TBC1D31: variants seen among roughly 807,000 people sequenced by gnomAD.
The protein encoded by TBC1D31 is WD repeat domain 67.
TBC1D31 carries 99 observed loss-of-function variants against 132.9 expected under a neutral mutation model. The ratio of observed to expected loss-of-function variants is 0.74; its 90% confidence interval spans 0.63 to 0.88. The LOEUF is 0.88. Among genes scored for constraint, TBC1D31 ranks in the 40% least tolerant of loss-of-function variants. The pLI, the probability that TBC1D31 is intolerant of heterozygous loss-of-function variation, is 0.00. For missense variants in TBC1D31, 1,134 were observed against 1,256.6 expected (o/e 0.90, Z 1.48); for synonymous variants, 385 against 419.4 (o/e 0.92, Z 1.00).
intron 1 of TBC1D31, among the ~76,000 whole-genome samples, chr8:123,076,838 A>C (rs573219211): frequency 6.6e-6 from 1 of 152,294 alleles, no homozygotes; most frequent in African/African-American, 2.4e-5. Context: ...CAGGGACCAT[A>C]TCAATTATTC....
chr8:123,098,446 C>T (rs542010116), intron 6 of TBC1D31, among the ~76,000 whole-genome samples: 4 of 152,290 alleles, frequency 2.6e-5, no homozygotes, highest in Non-Finnish European at 5.9e-5. Flanking sequence ...GCACTACAGG[C>T]ATGAACCACC....
At chr8:123,152,374 G>A (rs903140328), downstream of TBC1D31, among the ~76,000 whole-genome samples, 29 of 152,172 alleles carry the variant, frequency 1.9e-4, no homozygotes, top group Admixed American at 7.8e-4. Context: ...CTGCCAGCGG[G>A]ACCCCCTCTT....
chr8:123,101,057 T>G, intron 7 of TBC1D31, 50 bp downstream of exon 7: 1 of 1,271,772 alleles, frequency 7.9e-7, no homozygotes, highest in Non-Finnish European at 1.1e-6. Context: ...CACTTATATA[T>G]TATATCATCA....
chr8:123,120,582 G>A lies in TBC1D31; in HGVS notation c.1570+394G>A, dbSNP rs565810807. Among the ~76,000 whole-genome samples, 115 of 152,288 alleles carry A rather than the reference G, an allele frequency of 7.6e-4. No homozygotes were observed. The Middle Eastern group carries it at 0.01, about 14-fold the overall frequency. On this transcript the variant is annotated intron_variant, in intron 11 of 21. Transcript: ENST00000287380. ...AGCTACTCAGGAGGCTGTGGCAGGA[G>A]AATCACTTGAACCCAGGAGGTGGAG...
intron 16 of TBC1D31, among the ~76,000 whole-genome samples, chr8:123,131,707 T>G (rs1016160813): frequency 1.3e-4 from 20 of 152,222 alleles, no homozygotes; most frequent in African/African-American, 3.9e-4. Flanking sequence ...CACATACTTT[T>G]GTTGAGTAAC....
At chr8:123,095,839 T>C (rs2130244767) in intron 5 of TBC1D31, among the ~76,000 whole-genome samples, 1 of 152,326 alleles carries the variant, frequency 6.6e-6, no homozygotes, top group East Asian at 1.9e-4. Flanking sequence ...ATCCGGATGC[T>C]AGGGGTTCTC....
chr8:123,160,073 A>G, the TBC1D31 span, among the ~76,000 whole-genome samples: 1 of 152,140 alleles, frequency 6.6e-6, no homozygotes, highest in South Asian at 2.1e-4. Flanking sequence ...AGATTTCCTT[A>G]GTTTTCACCA....
intron 7 of TBC1D31, chr8:123,103,812 G>A (rs1817674761): frequency 6.6e-6 from 1 of 152,156 alleles, no homozygotes; most frequent in Non-Finnish European, 1.5e-5. Context: ...GTTATCTGTT[G>A]AGCAAATTGA....
chr8:123,092,713 A>C (rs1816448013), intron 4 of TBC1D31, among the ~76,000 whole-genome samples: 1 of 151,786 alleles, frequency 6.6e-6, no homozygotes, highest in African/African-American at 2.4e-5. Flanking sequence ...GCAGTGGTGC[A>C]ATCTTGACTT....
chr8:123,091,438 G>T (rs1022921447), intron 4 of TBC1D31, among the ~76,000 whole-genome samples: 1 of 152,018 alleles, frequency 6.6e-6, no homozygotes, highest in African/African-American at 2.4e-5. Flanking sequence ...GTTCTAATGC[G>T]TTCATTATAG....
At position 123,142,426 on chromosome 8, in the gene TBC1D31, A is replaced by G. The variant is rs1821795017; in HGVS notation, c.2805A>G (p.Ile935Met). 6.2e-7 allele frequency: 1 copy of G among 1,600,112 alleles called. No homozygotes were observed. The highest frequency in any genetic ancestry group is 1.7e-5 in the Admixed American group (1 of 57,314). ...ACAGAAGGAAAGAAATAGAGATAAT[A>G]AATGCAATGGTGGAGGAGGAAGCCA... ...RENRRKEIEI[I>M]NAMVEEEAKK... The change falls in exon 19 of 22, where the codon ATA becomes ATG. Residue 935 changes from isoleucine (I) to methionine (M), a missense_variant. Transcript: ENST00000287380.
At chr8:123,110,339 A>G (rs1418970703) in intron 10 of TBC1D31, among the ~76,000 whole-genome samples, 1 of 152,132 alleles carries the variant, frequency 6.6e-6, no homozygotes, top group Non-Finnish European at 1.5e-5. Flanking sequence ...GCATCCAGTA[A>G]ATGTTAATAA....
chr8:123,136,003 A>G (rs529312535), intron 17 of TBC1D31, among the ~76,000 whole-genome samples: 1 of 152,288 alleles, frequency 6.6e-6, no homozygotes, highest in Admixed American at 6.5e-5. Context: ...TTCTTTACCT[A>G]TGCACATATA....
chr8:123,072,911 G>T, intron 1 of TBC1D31, 65 bp downstream of exon 1: 12 of 1,483,236 alleles, frequency 8.1e-6, no homozygotes, highest in Non-Finnish European at 1.1e-5. Flanking sequence ...AGGGGACGCC[G>T]GGCGTCAGGC....
Position 123,130,288 on chromosome 8 carries a change from A to G in TBC1D31, c.2361A>G (p.Gln787=), listed in dbSNP as rs748774591. The part of the protein sequence containing the change: ...RRRFLKLQQD[Q]QEMELRRLDD... Reference sequence around the variant, plus strand: ...GTTTTCTGAAGCTTCAGCAAGATCAACAGGAAATGGAACTAAGAAGACTGG... The same window carrying G: ...GTTTTCTGAAGCTTCAGCAAGATCAGCAGGAAATGGAACTAAGAAGACTGG... The change falls in exon 16 of 22, where the codon CAA becomes CAG. Residue 787 remains glutamine (Q), a synonymous_variant. Transcript: ENST00000287380. 2.5e-6 allele frequency: 4 copies of G among 1,613,332 alleles called. No individual in the cohort carries two copies. In the South Asian group the frequency reaches 3.3e-5, roughly 13 times the overall value.
At chr8:123,161,904 G>C in the TBC1D31 span, among the ~76,000 whole-genome samples, 5 of 150,866 alleles carry the variant, frequency 3.3e-5, no homozygotes, top group African/African-American at 4.9e-5. Flanking sequence ...TGTGATCCCA[G>C]CTACTCGGGA....
At chr8:123,096,349 C>T (rs1231511792) in intron 5 of TBC1D31, among the ~76,000 whole-genome samples, 2 of 152,212 alleles carry the variant, frequency 1.3e-5, no homozygotes, top group South Asian at 2.1e-4. Context: ...TGAGTATGAC[C>T]TCTTACTTAC....
chr8:123,136,167 A>G (rs1380408256), intron 17 of TBC1D31, among the ~76,000 whole-genome samples: 1 of 152,224 alleles, frequency 6.6e-6, no homozygotes, highest in African/African-American at 2.4e-5. Context: ...AGATGATCTG[A>G]TATATAAACC....
At chr8:123,086,785 T>C (rs914198856) in intron 4 of TBC1D31, among the ~76,000 whole-genome samples, 4 of 151,694 alleles carry the variant, frequency 2.6e-5, no homozygotes, top group Non-Finnish European at 4.4e-5. Context: ...AGTGACACAA[T>C]GTCAGCTCGC....
Sources: allele counts gnomAD v4.1 joint callset (sites outside exome capture counted in the v4.1 genomes callset), GRCh38; gene constraint gnomAD v4.1.1; transcripts MANE v1.5; gene names NCBI Gene and HGNC (gene_info 2026-07-23, HGNC 2026-07-21).